Variants in ZNF385D observed in about 807,000 individuals in gnomAD.
The protein encoded by ZNF385D is zinc finger protein 659.
ZNF385D carries 15 observed loss-of-function variants against 35.8 expected under a neutral mutation model. The ratio of observed to expected loss-of-function variants is 0.42; its 90% CI spans 0.28 to 0.64. ZNF385D has a LOEUF of 0.64. Among genes scored for constraint, ZNF385D ranks in the 30% least tolerant of loss-of-function variants. The pLI is 0.23. For missense variants in ZNF385D, 474 were observed against 494.6 expected (o/e 0.96, Z 0.39); for synonymous variants, 212 against 186.8 (o/e 1.13, Z -1.10).
At chr3:22,264,556 C>T (rs181536643) in intron 2 of ZNF385D, among the ~76,000 whole-genome samples, 34 of 152,060 alleles carry the variant, frequency 2.2e-4, no homozygotes, top group African/African-American at 7.9e-4. Flanking sequence ...ACTCTTCTTT[C>T]CACATTTTAA....
chr3:22,014,297 T>G (rs1197010085), intron 3 of ZNF385D, among the ~76,000 whole-genome samples: 4 of 151,978 alleles, frequency 2.6e-5, no homozygotes, highest in Non-Finnish European at 5.9e-5. Flanking sequence ...GTATGGGAAG[T>G]TTAAGGCAAA....
intron 3 of ZNF385D, among the ~76,000 whole-genome samples, chr3:21,774,578 T>G (rs2071210987): frequency 1.3e-5 from 2 of 151,686 alleles, no homozygotes; most frequent in South Asian, 4.2e-4. Context: ...GCCCAAAGAT[T>G]AGTCACAGAG....
At chr3:21,608,006 T>TTTC in intron 2 of ZNF385D, among the ~76,000 whole-genome samples, 6 of 146,068 alleles carry the variant, frequency 4.1e-5, no homozygotes, top group African/African-American at 1.5e-4. Flanking sequence ...TGTAATTCTT[T>TTTC]TTCTTCTTTT....
intron 2 of ZNF385D, among the ~76,000 whole-genome samples, chr3:22,307,323 C>T (rs1347251948): frequency 1.3e-5 from 2 of 152,040 alleles, no homozygotes; most frequent in Non-Finnish European, 2.9e-5. Context: ...CTTTGAATGC[C>T]ACAATGAAGA....
At chr3:21,422,279 G>T (rs1700777415) in intron 7 of ZNF385D, among the ~76,000 whole-genome samples, 1 of 152,198 alleles carries the variant, frequency 6.6e-6, no homozygotes, top group Non-Finnish European at 1.5e-5. Flanking sequence ...ATGACTAGTG[G>T]TGCTGAAGCA....
At chr3:22,154,091 A>T (rs893710199) in intron 3 of ZNF385D, among the ~76,000 whole-genome samples, 4 of 152,160 alleles carry the variant, frequency 2.6e-5, no homozygotes, top group African/African-American at 9.7e-5. Context: ...AATTGGGAGT[A>T]AGGATCATCT....
intron 1 of ZNF385D, among the ~76,000 whole-genome samples, chr3:21,718,197 T>C (rs2068398899): frequency 6.6e-6 from 1 of 152,246 alleles, no homozygotes; most frequent in Admixed American, 6.5e-5. Flanking sequence ...ATGGGCCTTC[T>C]AGGCAAGCCC....
intron 2 of ZNF385D, among the ~76,000 whole-genome samples, chr3:22,302,319 G>A (rs1035660421): frequency 6.6e-6 from 1 of 151,748 alleles, no homozygotes; most frequent in Non-Finnish European, 1.5e-5. Flanking sequence ...CAATTTCTGT[G>A]TATGAGTTAG....
intron 5 of ZNF385D, among the ~76,000 whole-genome samples, chr3:21,435,947 T>C (rs966603376): frequency 3.9e-5 from 6 of 152,192 alleles, no homozygotes; most frequent in African/African-American, 7.2e-5. Flanking sequence ...ACTTGAATAT[T>C]ACCAGTGCAG....
At chr3:21,767,402 A>G (rs1360373306) in intron 3 of ZNF385D, among the ~76,000 whole-genome samples, 1 of 151,790 alleles carries the variant, frequency 6.6e-6, no homozygotes, top group Non-Finnish European at 1.5e-5. Flanking sequence ...ATTGAACACT[A>G]TTTCTTCTAT....
At chr3:21,974,017 A>G (rs1050218179) in intron 3 of ZNF385D, among the ~76,000 whole-genome samples, 32 of 152,030 alleles carry the variant, frequency 2.1e-4, no homozygotes, top group African/African-American at 7.5e-4. Context: ...TATATATTCA[A>G]TAAATGCCTA....
intron 2 of ZNF385D, among the ~76,000 whole-genome samples, chr3:22,253,267 G>T (rs182931592): frequency 2.0e-5 from 3 of 151,910 alleles, no homozygotes; most frequent in African/African-American, 7.2e-5. Context: ...TGGTAGGATG[G>T]GAAAAAGTTA....
At chr3:21,990,860 T>C (rs1396746106) in intron 3 of ZNF385D, among the ~76,000 whole-genome samples, 1 of 152,188 alleles carries the variant, frequency 6.6e-6, no homozygotes, top group Non-Finnish European at 1.5e-5. Flanking sequence ...AACAGAATGC[T>C]ACATGTGAGG....
At chr3:22,353,132 A>C (rs1407122420) in intron 2 of ZNF385D, among the ~76,000 whole-genome samples, 1 of 152,182 alleles carries the variant, frequency 6.6e-6, no homozygotes, top group Non-Finnish European at 1.5e-5. Flanking sequence ...CTTCCACCTC[A>C]AGCAAATTTC....
intron 4 of ZNF385D, among the ~76,000 whole-genome samples, chr3:21,491,748 G>A (rs1386769361): frequency 6.6e-6 from 1 of 152,120 alleles, no homozygotes; most frequent in Non-Finnish European, 1.5e-5. Flanking sequence ...TTATGACAGA[G>A]GCTAAAATAC....
At chr3:21,781,113 T>C (rs1382148833) in intron 3 of ZNF385D, among the ~76,000 whole-genome samples, 1 of 151,898 alleles carries the variant, frequency 6.6e-6, no homozygotes, top group Non-Finnish European at 1.5e-5. Context: ...GCAAGAGAGG[T>C]AACCCGGAAG....
At chr3:22,096,821 T>C (rs1701660561) in intron 3 of ZNF385D, among the ~76,000 whole-genome samples, 1 of 152,098 alleles carries the variant, frequency 6.6e-6, no homozygotes, top group Admixed American at 6.6e-5. Flanking sequence ...CTCACAATTC[T>C]CTGATGCTCC....
intron 2 of ZNF385D, among the ~76,000 whole-genome samples, chr3:22,204,506 C>A (rs1329873270): frequency 6.6e-6 from 1 of 151,952 alleles, no homozygotes; most frequent in Non-Finnish European, 1.5e-5. Context: ...CCTCCCCATA[C>A]AAACTAAGTA....
chr3:22,002,246 T>TA lies in ZNF385D; in HGVS notation c.325+166570dup, dbSNP rs746387538. 1.7e-4 allele frequency among the ~76,000 whole-genome samples: 25 copies of TA among 151,188 alleles called. 1 individual carries two copies. The East Asian group carries it at 3.1e-3, about 19-fold the overall frequency. The stretch of plus-strand genomic sequence containing the variant: ...AGACCCAAATCAATAAAATCAAAAT[T>TA]AAAAAAAAGAGTCATTACAACTGAT... On this transcript the variant is annotated intron_variant, in intron 3 of 5. Coordinates refer to the ZNF385D transcript ENST00000494108.
Sources: gnomAD v4.1 joint callset for allele counts (sites outside exome capture counted in the v4.1 genomes callset) on GRCh38, gnomAD v4.1.1 for gene constraint, MANE v1.5 for transcripts, NCBI Gene and HGNC (gene_info 2026-07-23, HGNC 2026-07-21) for gene names.